Variants in STK32B observed in about 807,000 individuals in gnomAD.
The protein encoded by STK32B is serine/threonine-protein kinase 32B.
In STK32B, 43 loss-of-function variants were observed where a neutral mutation model predicts 52.6. That is an observed-to-expected ratio of 0.82 (90% CI 0.64 to 1.05). The LOEUF (loss-of-function observed/expected upper bound fraction) is 1.05. Ranked by LOEUF, STK32B falls within the 50% of genes least tolerant of loss-of-function variation. The probability of loss-of-function intolerance (pLI) is 0.00; values close to 1 mark genes in which losing one functional copy is unlikely to be tolerated. For missense variants in STK32B, 621 were observed against 534.6 expected, an observed-to-expected ratio of 1.16 and a Z score of -1.59; for synonymous variants, 238 against 204.3, an observed-to-expected ratio of 1.17 and a Z score of -1.41.
At chr4:5,038,390 T>G in the STK32B span, among the ~76,000 whole-genome samples, 3 of 152,168 alleles carry the variant, frequency 2.0e-5, no homozygotes, top group African/African-American at 7.2e-5. Context: ...CGGGGATACA[T>G]TCTGAGAAAC....
chr4:5,262,082 T>A (rs1330761829), intron 3 of STK32B, among the ~76,000 whole-genome samples: 6 of 152,138 alleles, frequency 3.9e-5, no homozygotes, highest in African/African-American at 1.4e-4. Flanking sequence ...CTCCTTCCCC[T>A]CATCTTTGCT....
At chr4:5,450,431 T>C (rs1715878521) in intron 7 of STK32B, among the ~76,000 whole-genome samples, 1 of 152,204 alleles carries the variant, frequency 6.6e-6, no homozygotes, top group African/African-American at 2.4e-5. Context: ...CATCTGTTCA[T>C]TGATTATCCT....
intron 4 of STK32B, among the ~76,000 whole-genome samples, chr4:5,387,296 C>A (rs1358764072): frequency 6.6e-6 from 1 of 152,146 alleles, no homozygotes; most frequent in African/African-American, 2.4e-5. Context: ...CTGCTGGATG[C>A]TGGATGCTGT....
chr4:5,041,269 A>G, the STK32B span, among the ~76,000 whole-genome samples: 12 of 152,308 alleles, frequency 7.9e-5, no homozygotes, highest in Admixed American at 7.2e-4. Context: ...ACACGCACAC[A>G]CACACAAGTT....
intron 3 of STK32B, among the ~76,000 whole-genome samples, chr4:5,225,940 C>T (rs971607757): frequency 6.6e-6 from 1 of 152,064 alleles, no homozygotes; most frequent in Non-Finnish European, 1.5e-5. Flanking sequence ...CCTGTTTTTC[C>T]CTCTCAAATA....
intron 3 of STK32B, among the ~76,000 whole-genome samples, chr4:5,175,641 C>CT (rs1381757856): frequency 2.0e-5 from 3 of 152,220 alleles, no homozygotes; most frequent in Admixed American, 6.5e-5. Flanking sequence ...GCAAATGCTG[C>CT]TGCCTGATCG....
In STK32B at chr4:5,367,645, AG is replaced by A. The variant is rs1050367785; in HGVS notation, c.435-30560del. On this transcript the variant is annotated intron_variant, in intron 4 of 11. Coordinates refer to ENST00000282908, the MANE Select transcript of STK32B (RefSeq NM_018401.3). ...AGGGCTGCTAAACCCTGCTGAGTAC[AG>A]GTCAACTTTTAAAAGAAGAATGTGC... Among the ~76,000 whole-genome samples the A allele has an allele frequency of 6.6e-5, 10 of 152,208 alleles. No homozygotes were observed. The South Asian group carries it at 2.1e-3, about 31-fold the overall frequency.
At chr4:5,281,488 C>T (rs1198763729) in intron 3 of STK32B, among the ~76,000 whole-genome samples, 8 of 152,086 alleles carry the variant, frequency 5.3e-5, no homozygotes, top group Admixed American at 3.3e-4. Context: ...ATACCTAATG[C>T]GTGCAGGCCC....
intron 4 of STK32B, among the ~76,000 whole-genome samples, chr4:5,357,765 G>A (rs1734281959): frequency 7.6e-6 from 1 of 131,176 alleles, no homozygotes; most frequent in Non-Finnish European, 1.6e-5. Context: ...TCAATAATGA[G>A]ATAGTAATAA....
chr4:5,491,732 A>G (rs1288132545), intron 11 of STK32B, among the ~76,000 whole-genome samples: 3 of 151,838 alleles, frequency 2.0e-5, no homozygotes, highest in Non-Finnish European at 2.9e-5. Context: ...TAAGTCTTTA[A>G]TCCACCTTGA....
chr4:5,022,002 C>T, the STK32B span, among the ~76,000 whole-genome samples: 3 of 152,104 alleles, frequency 2.0e-5, no homozygotes, highest in East Asian at 1.9e-4. Context: ...GAGGGTGCCT[C>T]GTGCTGATTC....
chr4:5,063,639 T>A (rs1396662271), intron 1 of STK32B, among the ~76,000 whole-genome samples: 1 of 152,236 alleles, frequency 6.6e-6, no homozygotes, highest in Non-Finnish European at 1.5e-5. Flanking sequence ...CATTTCAGTG[T>A]GTAATAAATA....
chr4:5,078,184 A>C (rs951625516), intron 1 of STK32B, among the ~76,000 whole-genome samples: 2 of 152,184 alleles, frequency 1.3e-5, no homozygotes, highest in African/African-American at 4.8e-5. Flanking sequence ...AGCTATGTGC[A>C]GACTTCCCCT....
At chr4:5,365,617 T>G (rs1734826249) in intron 4 of STK32B, among the ~76,000 whole-genome samples, 1 of 152,230 alleles carries the variant, frequency 6.6e-6, no homozygotes, top group South Asian at 2.1e-4. Flanking sequence ...CTTTCATGTT[T>G]GCAAACCTTC....
intron 3 of STK32B, among the ~76,000 whole-genome samples, chr4:5,259,850 G>A (rs564457504): frequency 6.6e-6 from 1 of 152,226 alleles, no homozygotes; most frequent in Non-Finnish European, 1.5e-5. Flanking sequence ...AGAACACAGA[G>A]TTTGGAGCTT....
chr4:5,251,363 T>C (rs899838644), intron 3 of STK32B, among the ~76,000 whole-genome samples: 1 of 152,186 alleles, frequency 6.6e-6, no homozygotes, highest in Non-Finnish European at 1.5e-5. Context: ...CTGCTTGTTT[T>C]TGTTGACTTT....
At chr4:5,355,229 A>G (rs981963129) in intron 4 of STK32B, among the ~76,000 whole-genome samples, 2 of 152,198 alleles carry the variant, frequency 1.3e-5, no homozygotes, top group Non-Finnish European at 1.5e-5. Flanking sequence ...CTAGTGAGTG[A>G]TCAAAAATGT....
chr4:5,461,201 C>G (rs1467736785), intron 9 of STK32B, among the ~76,000 whole-genome samples: 1 of 152,210 alleles, frequency 6.6e-6, no homozygotes, highest in Non-Finnish European at 1.5e-5. Flanking sequence ...ACCCCACCCG[C>G]TCACCTGTCC....
chr4:5,136,942 C>A (rs1716114218), intron 1 of STK32B, among the ~76,000 whole-genome samples: 2 of 152,050 alleles, frequency 1.3e-5, no homozygotes, highest in Non-Finnish European at 2.9e-5. Context: ...CCTTTTTGCC[C>A]CATACATTGT....
Sources: gnomAD v4.1 joint callset for allele counts (sites outside exome capture counted in the v4.1 genomes callset) on GRCh38, gnomAD v4.1.1 for gene constraint, MANE v1.5 for transcripts, NCBI Gene and HGNC (gene_info 2026-07-23, HGNC 2026-07-21) for gene names.